Variants in NEDD4L observed in about 807,000 individuals in gnomAD.
NEDD4L encodes NEDD4 like E3 ubiquitin protein ligase, also known as E3 ubiquitin-protein ligase NEDD4-like.
In NEDD4L, 54 loss-of-function variants were observed where a neutral mutation model predicts 148.9. That is an observed-to-expected ratio of 0.36 (90% CI 0.29 to 0.45). The LOEUF (loss-of-function observed/expected upper bound fraction) is 0.45, where lower values mean the gene tolerates loss of function less well. Among genes scored for constraint, NEDD4L ranks in the 20% least tolerant of loss-of-function variants. The probability of loss-of-function intolerance (pLI) is 1.00; values close to 1 mark genes in which losing one functional copy is unlikely to be tolerated. For missense variants in NEDD4L, 856 were observed against 1,233.8 expected (o/e 0.69, Z 4.59); for synonymous variants, 433 against 440.7 (o/e 0.98, Z 0.22).
chr18:58,108,501 A>G (rs1452247474), intron 1 of NEDD4L, among the ~76,000 whole-genome samples: 1 of 152,048 alleles, frequency 6.6e-6, no homozygotes, highest in Non-Finnish European at 1.5e-5. Context: ...GCTCACTGCA[A>G]CCTCCGCCTC....
In NEDD4L at chr18:58,267,893, A is replaced by G. The variant is rs193047579; in HGVS notation, c.297+15839A>G. Among the ~76,000 whole-genome samples, 265 of 152,168 alleles carry G rather than the reference A, an allele frequency of 1.7e-3. 1 individual carries two copies. Among genetic ancestry groups the G allele is most frequent in the Middle Eastern group, 3.4e-3 (1 of 294 alleles). On this transcript the variant is annotated intron_variant, in intron 5 of 30. Transcript: ENST00000400345. ...CATTTATCCTGCAAGCTTCACCCCC[A>G]TAGAGAGGCAGGCCCTTCAGAAGCG...
intron 5 of NEDD4L, among the ~76,000 whole-genome samples, chr18:58,294,098 T>G (rs762783308): frequency 1.3e-5 from 2 of 152,182 alleles, no homozygotes; most frequent in Non-Finnish European, 2.9e-5. Context: ...TGTCTAATTT[T>G]TATACCAACC....
Position 58,373,219 on chromosome 18 carries a change from C to T in NEDD4L, c.2302C>T (p.Pro768Ser). ...NSLKWILENDPTELDLMFCID... is the reference protein window; with the variant it reads ...NSLKWILENDSTELDLMFCID... ...TTTGAAATGGATCCTGGAGAATGAC[C>T]CTACTGAGCTGGACCTCATGTTCTG... Residue 768 changes from proline to serine, a missense_variant, in exon 24 of 31, where the codon CCT becomes TCT. Transcript: ENST00000400345. 4 of 1,579,662 alleles carry T rather than the reference C, an allele frequency of 2.5e-6. No individual in the cohort carries two copies. The highest frequency in any genetic ancestry group is 1.2e-5 in the South Asian group (1 of 86,136).
chr18:58,274,165 T>TG (rs1447366139), intron 5 of NEDD4L, among the ~76,000 whole-genome samples: 2 of 152,124 alleles, frequency 1.3e-5, no homozygotes, highest in African/African-American at 4.8e-5. Context: ...GGCAGGTGAG[T>TG]GAAGCCATCT....
intron 5 of NEDD4L, among the ~76,000 whole-genome samples, chr18:58,274,169 G>A (rs981978171): frequency 2.0e-5 from 3 of 152,184 alleles, no homozygotes; most frequent in Admixed American, 6.5e-5. Context: ...GGTGAGTGAA[G>A]CCATCTTGGA....
chr18:58,068,462 G>A (rs2082718071), intron 1 of NEDD4L, among the ~76,000 whole-genome samples: 1 of 152,160 alleles, frequency 6.6e-6, no homozygotes, highest in African/African-American at 2.4e-5. Context: ...GCCTCCCAAA[G>A]TGCTGGGATT....
intron 5 of NEDD4L, among the ~76,000 whole-genome samples, chr18:58,293,209 A>G (rs1445879691): frequency 6.6e-6 from 1 of 152,258 alleles, no homozygotes; most frequent in Non-Finnish European, 1.5e-5. Context: ...GCTACAGCCC[A>G]TACATGGATT....
chr18:58,073,359 A>G (rs534054136), intron 1 of NEDD4L, among the ~76,000 whole-genome samples: 14 of 152,302 alleles, frequency 9.2e-5, no homozygotes, highest in African/African-American at 1.9e-4. Flanking sequence ...CTACAAATCT[A>G]CAGTTATCAA....
At chr18:58,350,886 G>GA in intron 17 of NEDD4L, 105 bp from the exon 18 acceptor site, 1 of 809,020 alleles carries the variant, frequency 1.2e-6, no homozygotes, top group Non-Finnish European at 2.0e-6. Context: ...TACCCTAGCA[G>GA]AAAAGAGTAC....
chr18:58,050,279 CCT>C (rs1435169536), intron 1 of NEDD4L, among the ~76,000 whole-genome samples: 6 of 142,564 alleles, frequency 4.2e-5, no homozygotes, highest in Non-Finnish European at 9.2e-5. Context: ...ATGGTGAAAC[CCT>C]GTCTCTACAA....
Position 58,401,328 on chromosome 18 carries a change from A to G in NEDD4L, c.*5059A>G, listed in dbSNP as rs1000224818. ...TAATGCTCATTTTCACAGTCAGAAT[A>G]GCTTTAAAATATGGTTGAATTTGAT... On this transcript the variant is annotated 3_prime_UTR_variant, in exon 31 of 31. Coordinates refer to ENST00000400345, the MANE Select transcript of NEDD4L (RefSeq NM_001144967.3). 1 of 152,218 alleles carries G rather than the reference A, an allele frequency of 6.6e-6. No homozygotes were observed. Among genetic ancestry groups the G allele is most frequent in the African/African-American group, 2.4e-5 (1 of 41,456 alleles). The allele number at this position is 152,218 out of a possible 1,614,324, so 9.4% of individuals were successfully genotyped here. A position where few individuals can be genotyped will look rare whatever the true frequency, so the allele number is the denominator to read the frequency against.
chr18:58,363,138 G>T (rs1375525086), intron 19 of NEDD4L, among the ~76,000 whole-genome samples: 1 of 151,962 alleles, frequency 6.6e-6, no homozygotes, highest in Non-Finnish European at 1.5e-5. Context: ...ACACTGACGT[G>T]CTCATTTTCT....
At chr18:58,096,657 A>G (rs2084430898) in intron 1 of NEDD4L, among the ~76,000 whole-genome samples, 1 of 151,292 alleles carries the variant, frequency 6.6e-6, no homozygotes, top group African/African-American at 2.4e-5. Context: ...TAGCCTCCCA[A>G]AGTGCTGGGA....
At chr18:58,109,659 C>T (rs1748076873) in intron 1 of NEDD4L, among the ~76,000 whole-genome samples, 1 of 150,984 alleles carries the variant, frequency 6.6e-6, no homozygotes, top group African/African-American at 2.4e-5. Flanking sequence ...CAACCTCTGC[C>T]TCCTGGGTAC....
At chr18:58,293,506 A>G (rs2055076516) in intron 5 of NEDD4L, among the ~76,000 whole-genome samples, 1 of 152,256 alleles carries the variant, frequency 6.6e-6, no homozygotes, top group African/African-American at 2.4e-5. Context: ...TTAATAACCC[A>G]GGTTGTGTAC....
At chr18:58,225,720 C>T (rs1184357061) in intron 2 of NEDD4L, among the ~76,000 whole-genome samples, 3 of 152,140 alleles carry the variant, frequency 2.0e-5, no homozygotes, top group Non-Finnish European at 2.9e-5. Context: ...TTATTAGGTC[C>T]GGAGCCAGTG....
chr18:58,108,353 T>C (rs563518893), intron 1 of NEDD4L, among the ~76,000 whole-genome samples: 13 of 152,226 alleles, frequency 8.5e-5, no homozygotes, highest in Non-Finnish European at 1.9e-4. Context: ...TAGAGGAACA[T>C]CATGAAAATA....
Position 58,256,815 on chromosome 18 carries a change from C to T in NEDD4L, c.297+4761C>T. 2 of 1,227,672 alleles carry T rather than the reference C, an allele frequency of 1.6e-6. No homozygotes were observed. Among genetic ancestry groups the T allele is most frequent in the Non-Finnish European group, 2.0e-6 (2 of 984,250 alleles). The allele number at this position is 1,227,672 out of a possible 1,614,324, so 76.0% of individuals were successfully genotyped here. A position where few individuals can be genotyped will look rare whatever the true frequency, so the allele number is the denominator to read the frequency against. ...GTTTACATGTGTTTACTGATTTCAA[C>T]TTCGATGCTTACTCTGCGGCGTAAC... is the stretch of plus-strand genomic sequence containing the variant. On this transcript the variant is annotated intron_variant, in intron 5 of 30. Coordinates refer to ENST00000400345, the MANE Select transcript of NEDD4L (RefSeq NM_001144967.3). This position sits in a 1 kb window ranked among gnomAD's most constrained non-coding sequence, Gnocchi z 5.2.
At chr18:58,064,824 T>C (rs990967785) in intron 1 of NEDD4L, among the ~76,000 whole-genome samples, 1 of 152,218 alleles carries the variant, frequency 6.6e-6, no homozygotes. Context: ...AGTCATAGTC[T>C]GGCCAGGCGT....
Sources: gnomAD v4.1 joint callset for allele counts (sites outside exome capture counted in the v4.1 genomes callset) on GRCh38, gnomAD v4.1.1 for gene constraint, Gnocchi (gnomAD v3.1) non-coding constraint, MANE v1.5 for transcripts, NCBI Gene and HGNC (gene_info 2026-07-23, HGNC 2026-07-21) for gene names.